Variants in CNTN5 observed in about 807,000 individuals in gnomAD.
CNTN5 encodes contactin 5.
In CNTN5, 77 loss-of-function variants were observed where a neutral mutation model predicts 129.1. The observed-to-expected ratio is 0.60, with a 90% CI of 0.50 to 0.72. The LOEUF (loss-of-function observed/expected upper bound fraction) is 0.72. Among genes scored for constraint, CNTN5 ranks in the 30% least tolerant of loss-of-function variants. The pLI is 0.00. For missense variants in CNTN5, 1,478 were observed against 1,328.8 expected, an observed-to-expected ratio of 1.11 and a Z score of -1.75; for synonymous variants, 509 against 465.6, an observed-to-expected ratio of 1.09 and a Z score of -1.20.
intron 3 of CNTN5, among the ~76,000 whole-genome samples, chr11:99,702,814 A>G (rs1368529599): frequency 6.6e-6 from 1 of 150,944 alleles, no homozygotes; most frequent in East Asian, 1.9e-4. Context: ...ATTGGTTTGA[A>G]AAGCTGTTTA....
chr11:99,530,287 G>C (rs1947647687), intron 2 of CNTN5, among the ~76,000 whole-genome samples: 1 of 152,142 alleles, frequency 6.6e-6, no homozygotes, highest in African/African-American at 2.4e-5. Context: ...CAATCAGTCT[G>C]TATTAAAAAA....
At chr11:99,029,445 C>T (rs1022142701) in intron 1 of CNTN5, among the ~76,000 whole-genome samples, 5 of 151,786 alleles carry the variant, frequency 3.3e-5, no homozygotes, top group South Asian at 2.1e-4. Context: ...GATGGAAAAT[C>T]GTTCAGTCAG....
At chr11:99,796,814 G>A (rs2135462507) in intron 3 of CNTN5, among the ~76,000 whole-genome samples, 1 of 152,228 alleles carries the variant, frequency 6.6e-6, no homozygotes, top group African/African-American at 2.4e-5. Flanking sequence ...AATCCTCTGG[G>A]TGCTACACTG....
chr11:99,873,310 G>C (rs966745259), intron 6 of CNTN5, among the ~76,000 whole-genome samples: 1 of 151,126 alleles, frequency 6.6e-6, no homozygotes, highest in African/African-American at 2.4e-5. Flanking sequence ...GAAAATATTT[G>C]AAAATGATGC....
rs143556462 is a variant in CNTN5 at position 99,749,605 on chromosome 11, T to A, written c.56-69939T>A. On this transcript the variant is annotated intron_variant, in intron 3 of 24. Coordinates refer to ENST00000524871, the MANE Select transcript of CNTN5 (RefSeq NM_014361.4). ...TCCCCTGGAATACTTTCAGTTTGAG[T>A]CTAGTTGTTTTCAAAATCCAGTAAA... is the stretch of plus-strand genomic sequence containing the variant. 6.5e-3 allele frequency among the ~76,000 whole-genome samples: 996 copies of A among 152,278 alleles called. 11 individuals are homozygous for A. The highest frequency in any genetic ancestry group is 0.023 in the African/African-American group (948 of 41,550).
intron 6 of CNTN5, among the ~76,000 whole-genome samples, chr11:99,910,844 A>G (rs935426622): frequency 6.6e-6 from 1 of 152,092 alleles, no homozygotes; most frequent in Non-Finnish European, 1.5e-5. Context: ...ATTATAGGGT[A>G]TTTGCATGGA....
At chr11:99,867,740 A>G (rs1365900201) in intron 6 of CNTN5, among the ~76,000 whole-genome samples, 1 of 152,150 alleles carries the variant, frequency 6.6e-6, no homozygotes, top group East Asian at 1.9e-4. Flanking sequence ...AGGTCAGGTG[A>G]TTAACAGACT....
chr11:99,471,334 T>C (rs1945164675), intron 2 of CNTN5, among the ~76,000 whole-genome samples: 2 of 152,152 alleles, frequency 1.3e-5, no homozygotes, highest in South Asian at 4.1e-4. Flanking sequence ...ATCACAGGTA[T>C]GTTTTAATAT....
rs1169726181 is a variant in CNTN5 at position 100,315,067 on chromosome 11, A to G, written c.2730+6599A>G. On this transcript the variant is annotated intron_variant, in intron 21 of 24. Transcript: ENST00000524871. ...TCTTGAATTTTTGTATTTTGCTTCA[A>G]TCCTCAACTAGGGTCTTGATCCTAA... Among the ~76,000 whole-genome samples the G allele has an allele frequency of 3.9e-5, 6 of 152,118 alleles. No homozygotes were observed. In the South Asian group the frequency reaches 8.3e-4, roughly 21 times the overall value.
chr11:99,415,098 A>G (rs1233597395), intron 2 of CNTN5, among the ~76,000 whole-genome samples: 1 of 152,200 alleles, frequency 6.6e-6, no homozygotes, highest in Non-Finnish European at 1.5e-5. Flanking sequence ...AATGTGTGAT[A>G]TCTTTTCTTA....
intron 7 of CNTN5, among the ~76,000 whole-genome samples, chr11:99,956,175 A>G (rs1950797716): frequency 6.6e-6 from 1 of 152,070 alleles, no homozygotes. Context: ...GAAGTACGTA[A>G]TATTCTAATT....
At chr11:100,216,730 C>T (rs997111161) in intron 15 of CNTN5, among the ~76,000 whole-genome samples, 1 of 152,084 alleles carries the variant, frequency 6.6e-6, no homozygotes, top group Non-Finnish European at 1.5e-5. Flanking sequence ...AAAGCATGAG[C>T]TTTTCAAATA....
At chr11:99,659,686 C>CT (rs1488679310) in intron 3 of CNTN5, among the ~76,000 whole-genome samples, 5 of 152,100 alleles carry the variant, frequency 3.3e-5, no homozygotes, top group Non-Finnish European at 7.4e-5. Context: ...AAACCTCAGT[C>CT]TTTTTTATCT....
At chr11:100,037,242 T>A (rs1213765158) in intron 9 of CNTN5, among the ~76,000 whole-genome samples, 1 of 148,328 alleles carries the variant, frequency 6.7e-6, no homozygotes, top group Non-Finnish European at 1.5e-5. Flanking sequence ...GTTTTTGTCT[T>A]TGGTTCTGTT....
At chr11:100,205,129 A>C (rs752666276) in intron 15 of CNTN5, among the ~76,000 whole-genome samples, 1 of 151,646 alleles carries the variant, frequency 6.6e-6, no homozygotes, top group Non-Finnish European at 1.5e-5. Context: ...TTTTAGATTG[A>C]CTCCTATGTT....
At chr11:99,083,595 G>GA (rs948803168) in intron 1 of CNTN5, among the ~76,000 whole-genome samples, 4 of 150,550 alleles carry the variant, frequency 2.7e-5, no homozygotes, top group African/African-American at 7.3e-5. Context: ...TTTTTTTAAA[G>GA]AAAAAAAAAG....
intron 1 of CNTN5, among the ~76,000 whole-genome samples, chr11:99,161,113 A>G (rs1428011148): frequency 1.3e-5 from 2 of 152,168 alleles, no homozygotes; most frequent in Non-Finnish European, 2.9e-5. Flanking sequence ...TCATTTCACT[A>G]GAATCTAGAA....
chr11:100,199,249 T>C lies in CNTN5; in HGVS notation c.1884+5586T>C, dbSNP rs573641242. On this transcript the variant is annotated intron_variant, in intron 15 of 24. Transcript: ENST00000524871. Reference sequence around the variant, plus strand: ...GGCTCACAGTCTCTTAGACTCATTATGTTTGCTAGTAGCATTCACACTTTC... The same window carrying C: ...GGCTCACAGTCTCTTAGACTCATTACGTTTGCTAGTAGCATTCACACTTTC... Among the ~76,000 whole-genome samples, 3 of 152,040 alleles carry C rather than the reference T, an allele frequency of 2.0e-5. No homozygotes were observed. In the South Asian group the frequency reaches 6.2e-4, roughly 32 times the overall value.
intron 6 of CNTN5, among the ~76,000 whole-genome samples, chr11:99,846,215 A>G (rs1411418822): frequency 6.6e-6 from 1 of 151,792 alleles, no homozygotes; most frequent in Non-Finnish European, 1.5e-5. Flanking sequence ...AAAATTAGCC[A>G]GGTGAGGCAG....
Sources: gnomAD v4.1 joint callset for allele counts (sites outside exome capture counted in the v4.1 genomes callset) on GRCh38, gnomAD v4.1.1 for gene constraint, MANE v1.5 for transcripts, NCBI Gene and HGNC (gene_info 2026-07-23, HGNC 2026-07-21) for gene names.